Variants in DPP6 observed in about 807,000 individuals in gnomAD.
DPP6 encodes dipeptidyl peptidase like 6, also known as A-type potassium channel modulatory protein DPP6.
In DPP6, 69 loss-of-function variants were observed where a neutral mutation model predicts 122.6. The observed-to-expected ratio is 0.56, with a 90% CI of 0.46 to 0.69. The LOEUF (loss-of-function observed/expected upper bound fraction) is 0.69. Among genes scored for constraint, DPP6 ranks in the 30% least tolerant of loss-of-function variants. DPP6 has a pLI of 0.00. For missense variants in DPP6, 928 were observed against 1,116.9 expected, an observed-to-expected ratio of 0.83 and a Z score of 2.41; for synonymous variants, 418 against 433.1, an observed-to-expected ratio of 0.97 and a Z score of 0.43.
At chr7:154,147,631 C>A (rs1250562733) in intron 1 of DPP6, among the ~76,000 whole-genome samples, 2 of 150,606 alleles carry the variant, frequency 1.3e-5, no homozygotes, top group African/African-American at 4.9e-5. Flanking sequence ...AGGCACCCAC[C>A]ACTATACCCA....
chr7:154,181,891 A>G (rs546300259), intron 1 of DPP6, among the ~76,000 whole-genome samples: 1 of 152,012 alleles, frequency 6.6e-6, no homozygotes, highest in African/African-American at 2.4e-5. Context: ...TGGGATTACA[A>G]GCATGTGCCA....
the DPP6 span, among the ~76,000 whole-genome samples, chr7:153,810,950 A>G: frequency 6.6e-6 from 1 of 152,148 alleles, no homozygotes; most frequent in South Asian, 2.1e-4. Flanking sequence ...CTATTAGTGC[A>G]TAGTTTAAAC....
intron 1 of DPP6, among the ~76,000 whole-genome samples, chr7:154,251,967 A>T (rs760298540): frequency 4.9e-4 from 74 of 152,202 alleles, no homozygotes; most frequent in Non-Finnish European, 9.0e-4. Flanking sequence ...GCTGACAGTT[A>T]ATATTAATCA....
Position 154,247,714 on chromosome 7 carries a change from A to C in DPP6, c.243+194651A>C, listed in dbSNP as rs541139410. Among the ~76,000 whole-genome samples the C allele has an allele frequency of 7.2e-4, 109 of 152,352 alleles. 1 individual carries two copies. The highest frequency in any genetic ancestry group is 2.5e-3 in the African/African-American group (103 of 41,582). On this transcript the variant is annotated intron_variant, in intron 1 of 25. Coordinates refer to ENST00000377770, the MANE Select transcript of DPP6 (RefSeq NM_130797.4). ...TGTTTGAAAGTTTCTTCTAAAGCCC[A>C]GTATATAGTGCCCGACTGCAGTCTA...
chr7:154,741,495 G>GA (rs1842820862), intron 8 of DPP6, among the ~76,000 whole-genome samples: 1 of 152,252 alleles, frequency 6.6e-6, no homozygotes, highest in African/African-American at 2.4e-5. Context: ...CTTCATGGAA[G>GA]AAAGCGAGCC....
At chr7:154,739,894 C>T (rs1056416937) in intron 8 of DPP6, among the ~76,000 whole-genome samples, 2 of 152,208 alleles carry the variant, frequency 1.3e-5, no homozygotes, top group African/African-American at 4.8e-5. Flanking sequence ...AACAGGTTAA[C>T]CGCAAACCTC....
chr7:153,831,431 T>C, the DPP6 span, among the ~76,000 whole-genome samples: 2 of 152,076 alleles, frequency 1.3e-5, no homozygotes, highest in South Asian at 2.1e-4. Flanking sequence ...CCCAAGTGCA[T>C]GAAGAAACTA....
At chr7:154,478,258 A>G (rs1256346514) in intron 3 of DPP6, among the ~76,000 whole-genome samples, 1 of 152,188 alleles carries the variant, frequency 6.6e-6, no homozygotes, top group African/African-American at 2.4e-5. Context: ...AGAAATTATT[A>G]GAACATTAAT....
At chr7:153,949,307 T>C (rs547661561) in intron 1 of DPP6, among the ~76,000 whole-genome samples, 13 of 152,314 alleles carry the variant, frequency 8.5e-5, no homozygotes, top group Non-Finnish European at 1.8e-4. Flanking sequence ...CGTGGCCCCT[T>C]GTCCCTGAAG....
intron 6 of DPP6, among the ~76,000 whole-genome samples, chr7:154,654,665 G>A (rs867480798): frequency 1.6e-4 from 24 of 151,798 alleles, no homozygotes; most frequent in Admixed American, 5.9e-4. Flanking sequence ...TGATCCTCCT[G>A]CCTTGGCGTC....
At chr7:154,324,161 T>C (rs1808215309) in intron 1 of DPP6, among the ~76,000 whole-genome samples, 1 of 152,212 alleles carries the variant, frequency 6.6e-6, no homozygotes, top group Non-Finnish European at 1.5e-5. Flanking sequence ...TACGGATTGA[T>C]TTAATTATGA....
chr7:153,809,614 G>T, the DPP6 span, among the ~76,000 whole-genome samples: 15 of 152,116 alleles, frequency 9.9e-5, no homozygotes, highest in Non-Finnish European at 4.4e-5. Flanking sequence ...GTGCAGTGTT[G>T]GTGGAACTCA....
intron 1 of DPP6, among the ~76,000 whole-genome samples, chr7:154,159,917 T>G (rs6945998): frequency 0.019 from 2,906 of 152,002 alleles, 36 homozygotes; most frequent in African/African-American, 0.067. Flanking sequence ...CAGCCCAGCC[T>G]GGGCAACATA....
chr7:154,740,931 T>C (rs1842790801), intron 8 of DPP6, among the ~76,000 whole-genome samples: 1 of 152,216 alleles, frequency 6.6e-6, no homozygotes, highest in Admixed American at 6.5e-5. Context: ...CATTTTTTTC[T>C]TTCTATAAAA....
chr7:154,374,716 A>G (rs930620549), intron 1 of DPP6, among the ~76,000 whole-genome samples: 2 of 150,812 alleles, frequency 1.3e-5, no homozygotes, highest in African/African-American at 4.9e-5. Context: ...GGTTCAAGCG[A>G]TTCTCCTGCC....
At chr7:153,966,823 T>C (rs1795766226) in intron 1 of DPP6, among the ~76,000 whole-genome samples, 1 of 151,170 alleles carries the variant, frequency 6.6e-6, no homozygotes, top group South Asian at 2.1e-4. Flanking sequence ...TCCCAGCACT[T>C]TGGGAGGCTG....
chr7:153,826,404 T>C, the DPP6 span, among the ~76,000 whole-genome samples: 2 of 152,194 alleles, frequency 1.3e-5, no homozygotes. Context: ...TTTTTGTCCT[T>C]CTGTGTAATC....
chr7:154,226,243 C>T (rs1318088083), intron 1 of DPP6, among the ~76,000 whole-genome samples: 1 of 152,166 alleles, frequency 6.6e-6, no homozygotes, highest in Non-Finnish European at 1.5e-5. Flanking sequence ...TCAGAAATTC[C>T]AGTAAGATCC....
At chr7:154,123,248 G>A (rs1463093090) in intron 1 of DPP6, among the ~76,000 whole-genome samples, 1 of 152,090 alleles carries the variant, frequency 6.6e-6, no homozygotes, top group African/African-American at 2.4e-5. Context: ...TTGTACTTCT[G>A]TCCTCCCAAG....
Sources: allele counts gnomAD v4.1 joint callset (sites outside exome capture counted in the v4.1 genomes callset), GRCh38; gene constraint gnomAD v4.1.1; transcripts MANE v1.5; gene names NCBI Gene and HGNC (gene_info 2026-07-23, HGNC 2026-07-21).